The following DHX32 variants were observed in gnomAD, a reference collection of about 807,000 sequenced individuals.
DHX32 encodes the protein DEAH-box helicase 32 (putative), also known as putative pre-mRNA-splicing factor ATP-dependent RNA helicase DHX32.
A neutral mutation model predicts 70.0 loss-of-function variants in DHX32; 51 were observed. The ratio of observed to expected loss-of-function variants is 0.73; its 90% CI spans 0.58 to 0.92. The LOEUF (loss-of-function observed/expected upper bound fraction) is 0.92. DHX32 is among the 40% of genes least tolerant of loss of function. The probability of loss-of-function intolerance (pLI) is 0.00; values close to 1 mark genes in which losing one functional copy is unlikely to be tolerated. For missense variants in DHX32, 762 were observed against 891.8 expected (o/e 0.85, Z 1.85); for synonymous variants, 310 against 315.3 (o/e 0.98, Z 0.18).
intron 10 of DHX32, among the ~76,000 whole-genome samples, chr10:125,837,551 C>G (rs1431916519): frequency 6.6e-6 from 1 of 152,168 alleles, no homozygotes; most frequent in Non-Finnish European, 1.5e-5. Flanking sequence ...CGCAGAATCT[C>G]AAGTAGCTGG....
intron 1 of DHX32, among the ~76,000 whole-genome samples, chr10:125,892,366 T>C (rs1944376605): frequency 6.6e-6 from 1 of 152,310 alleles, no homozygotes; most frequent in African/African-American, 2.4e-5. Context: ...GTGTTGCCAG[T>C]GATCCTTTCC....
intron 1 of DHX32, among the ~76,000 whole-genome samples, chr10:125,870,936 A>G (rs1214775579): frequency 2.6e-5 from 4 of 152,252 alleles, no homozygotes; most frequent in Admixed American, 6.5e-5. Context: ...ACTGCTTTAC[A>G]TAGCTAGAAT....
rs1944313594 is a variant in DHX32 at position 125,880,947 on chromosome 10, T to A, written c.-123A>T. The A allele has an allele frequency of 8.3e-7, 1 of 1,208,956 alleles. No homozygotes were observed. The highest frequency in any genetic ancestry group is 1.5e-5 in the South Asian group (1 of 66,286). The allele number at this position is 1,208,956 out of a possible 1,614,324, so 74.9% of individuals were successfully genotyped here. ...ACCCGTATGTTCCAATCTCTAAGAC[T>A]TCAGTTCAAGGTTTTAGCAAGTTAA... is the stretch of plus-strand genomic sequence containing the variant. On this transcript the variant is annotated 5_prime_UTR_variant, in exon 1 of 11. The change creates a new upstream start codon in the 5' untranslated region. Transcript: ENST00000284690.
intron 2 of DHX32, among the ~76,000 whole-genome samples, chr10:125,862,863 A>G (rs2134056900): frequency 6.6e-6 from 1 of 152,036 alleles, no homozygotes; most frequent in Admixed American, 6.5e-5. Context: ...CTCAAAACAA[A>G]GCAAAAAAAA....
chr10:125,857,623 C>T (rs1419353330), intron 3 of DHX32, among the ~76,000 whole-genome samples: 1 of 152,174 alleles, frequency 6.6e-6, no homozygotes, highest in Non-Finnish European at 1.5e-5. Context: ...TTTCTACTAC[C>T]AGCCTGGATA....
intron 1 of DHX32, among the ~76,000 whole-genome samples, chr10:125,869,842 G>A (rs1275017156): frequency 6.6e-6 from 1 of 152,136 alleles, no homozygotes; most frequent in Admixed American, 6.5e-5. Flanking sequence ...AGGGATAAGA[G>A]TTGAGTGGAA....
intron 4 of DHX32, 48 bp downstream of exon 4, chr10:125,853,913 T>C: frequency 6.3e-7 from 1 of 1,580,596 alleles, no homozygotes; most frequent in East Asian, 2.2e-5. Flanking sequence ...GAGAAACTAG[T>C]GCTTGACAAC....
intron 6 of DHX32, among the ~76,000 whole-genome samples, chr10:125,843,983 C>A (rs978406856): frequency 6.6e-6 from 1 of 152,186 alleles, no homozygotes; most frequent in Non-Finnish European, 1.5e-5. Context: ...AGATTTAAAA[C>A]TGAGCAGAAG....
intron 1 of DHX32, among the ~76,000 whole-genome samples, chr10:125,873,950 T>A (rs979753586): frequency 6.6e-6 from 1 of 152,234 alleles, no homozygotes; most frequent in Non-Finnish European, 1.5e-5. Context: ...TCATATCTTT[T>A]TCACCTCACT....
intron 1 of DHX32, among the ~76,000 whole-genome samples, chr10:125,879,941 C>A (rs1944307412): frequency 6.6e-6 from 1 of 152,204 alleles, no homozygotes; most frequent in African/African-American, 2.4e-5. Flanking sequence ...ACTGTGCCTG[C>A]TCCAACTCTT....
chr10:125,851,207 CTT>C (rs1564825851), intron 6 of DHX32, among the ~76,000 whole-genome samples: 1 of 152,200 alleles, frequency 6.6e-6, no homozygotes, highest in East Asian at 1.9e-4. Context: ...CTGCGAGCAT[CTT>C]TTTCTTTTTT....
At chr10:125,849,067 C>A (rs1944058765) in intron 6 of DHX32, among the ~76,000 whole-genome samples, 3 of 152,188 alleles carry the variant, frequency 2.0e-5, no homozygotes, top group Non-Finnish European at 4.4e-5. Context: ...CTGTTTCCAC[C>A]TTTCATCCCA....
At chr10:125,865,311 T>C (rs1242382566) in intron 2 of DHX32, among the ~76,000 whole-genome samples, 2 of 152,182 alleles carry the variant, frequency 1.3e-5, no homozygotes, top group African/African-American at 2.4e-5. Context: ...TCACGTACAA[T>C]TTACACAATC....
intron 7 of DHX32, 164 bp from the exon 8 acceptor site, chr10:125,841,160 T>C: frequency 1.5e-6 from 2 of 1,373,850 alleles, no homozygotes; most frequent in Admixed American, 2.2e-5. Flanking sequence ...AAATTTAGAG[T>C]GAGTCATCCT....
chr10:125,840,937 TC>T lies in DHX32; in HGVS notation c.1602del (p.Trp534Ter). On this transcript the variant is annotated frameshift_variant, in exon 8 of 11. Coordinates refer to ENST00000284690, the MANE Select transcript of DHX32 (RefSeq NM_018180.3). LOFTEE classifies it high-confidence loss of function. The part of the protein sequence containing the change: ...HGAEEAALTC[W>X]KTFLHPEGDH... ...TCTCCTTCGGGATGTAAAAATGTCT[TC>T]CAACAAGTCAAGGCAGCCTCTTCAG... is the stretch of plus-strand genomic sequence containing the variant. 1 of 1,612,516 alleles carries T rather than the reference TC, an allele frequency of 6.2e-7. No homozygotes were observed. Among genetic ancestry groups the T allele is most frequent in the Non-Finnish European group, 8.5e-7 (1 of 1,178,640 alleles).
intron 3 of DHX32, among the ~76,000 whole-genome samples, chr10:125,857,840 T>A (rs1944158110): frequency 6.6e-6 from 1 of 151,932 alleles, no homozygotes; most frequent in Admixed American, 6.6e-5. Flanking sequence ...ATCCTATCAG[T>A]CTTAATTGCA....
In DHX32 at chr10:125,841,871, C is replaced by T. The variant is rs765831395; in HGVS notation, c.1415G>A (p.Gly472Glu). Residue 472 changes from glycine (G) to glutamate (E), a missense_variant, in exon 7 of 11, where the codon GGA (glycine) becomes GAA (glutamate). By Grantham distance (98) the Gly-to-Glu change is moderately conservative. Transcript: ENST00000284690. ...GATGATTCCAAATTCAGAAAGATTT[C>T]CATCATTATCCAGTGCTGCCAGATA... ...LDYLAALDND[G>E]NLSEFGIIMS... The T allele has an allele frequency of 6.2e-7, 1 of 1,613,490 alleles. No individual in the cohort carries two copies. Among genetic ancestry groups the T allele is most frequent in the Non-Finnish European group, 8.5e-7 (1 of 1,179,900 alleles).
chr10:125,840,537 C>A (rs1854848145), intron 8 of DHX32, among the ~76,000 whole-genome samples: 1 of 152,186 alleles, frequency 6.6e-6, no homozygotes, highest in South Asian at 2.1e-4. Context: ...CTCCAAAGAC[C>A]CATGTACGAG....
intron 3 of DHX32, among the ~76,000 whole-genome samples, chr10:125,858,863 G>A (rs1944164353): frequency 2.0e-5 from 3 of 151,842 alleles, no homozygotes. Flanking sequence ...GAGTAGTGGG[G>A]AAAGAAATAG....
Sources: gnomAD v4.1 joint callset for allele counts (sites outside exome capture counted in the v4.1 genomes callset) on GRCh38, gnomAD v4.1.1 for gene constraint, MANE v1.5 for transcripts, NCBI Gene and HGNC (gene_info 2026-07-23, HGNC 2026-07-21) for gene names.